The following ADGRA2 variants were observed in gnomAD, a reference collection of about 807,000 sequenced individuals.
The protein encoded by ADGRA2 is G-protein coupled receptor 124.
A neutral mutation model predicts 98.7 loss-of-function variants in ADGRA2; 61 were observed. The ratio of observed to expected loss-of-function variants is 0.62; its 90% CI spans 0.50 to 0.76. ADGRA2 has a LOEUF of 0.76. ADGRA2 is among the 30% of genes least tolerant of loss of function. ADGRA2 has a pLI of 0.00. For missense variants in ADGRA2, 1,712 were observed against 1,860.0 expected (o/e 0.92, Z 1.46); for synonymous variants, 858 against 831.5 (o/e 1.03, Z -0.55).
intron 17 of ADGRA2, among the ~76,000 whole-genome samples, 173 bp downstream of exon 17, chr8:37,840,439 C>T (rs937359255): frequency 6.6e-6 from 1 of 152,124 alleles, no homozygotes; most frequent in African/African-American, 2.4e-5. Flanking sequence ...CAGTGGGGGA[C>T]ATCTTGCGGG....
intron 1 of ADGRA2, among the ~76,000 whole-genome samples, chr8:37,803,644 G>C (rs916271706): frequency 4.6e-5 from 7 of 152,130 alleles, no homozygotes; most frequent in African/African-American, 1.4e-4. Context: ...TGGGTTATGG[G>C]GGGAGGGGGC....
At chr8:37,838,079 G>A (rs1666214988) in intron 14 of ADGRA2, 140 bp downstream of exon 14, 1 of 729,456 alleles carries the variant, frequency 1.4e-6, no homozygotes, top group Non-Finnish European at 2.1e-6. Context: ...CATGAGTGGT[G>A]GGATGTGGGG....
chr8:37,842,172 C>T lies in ADGRA2; in HGVS notation c.3834C>T (p.Asp1278=). 3 of 1,532,130 alleles carry T rather than the reference C, an allele frequency of 2.0e-6. No individual in the cohort carries two copies. The highest frequency in any genetic ancestry group is 2.6e-6 in the Non-Finnish European group (3 of 1,141,844). 94.9% of individuals were successfully genotyped at this position (1,532,130 alleles called of 1,614,324 possible). A position where few individuals can be genotyped will look rare whatever the true frequency, so the allele number is the denominator to read the frequency against. ...GCCAGCGCCGCAGCGCCAGCCGCGACAGTCTCAAGGGCGGCGGCGCGCTGG... is the reference window on the plus strand; with the variant it reads ...GCCAGCGCCGCAGCGCCAGCCGCGATAGTCTCAAGGGCGGCGGCGCGCTGG... ...RAGQRRSASR[D]SLKGGGALEK... Residue 1278 remains aspartate, a synonymous_variant, in exon 19 of 19, where the codon GAC becomes GAT. Coordinates refer to ENST00000412232, the MANE Select transcript of ADGRA2 (RefSeq NM_032777.10).
chr8:37,828,679 G>A (rs1239210482), intron 2 of ADGRA2, among the ~76,000 whole-genome samples: 1 of 150,172 alleles, frequency 6.7e-6, no homozygotes, highest in Non-Finnish European at 1.5e-5. Flanking sequence ...TAGAGACGGG[G>A]TTTCACCATG....
At chr8:37,831,352 C>A in intron 7 of ADGRA2, 71 bp from the exon 8 acceptor site, 2 of 1,429,116 alleles carry the variant, frequency 1.4e-6, no homozygotes, top group Non-Finnish European at 1.9e-6. Context: ...TGTTGTAGGA[C>A]GGTGCTGAGG....
At position 37,830,074 on chromosome 8, in the gene ADGRA2, G is replaced by A. The variant is rs1306260365; in HGVS notation, c.718+60G>A. On this transcript the variant is annotated intron_variant, in intron 6 of 18. Coordinates refer to ENST00000412232, the MANE Select transcript of ADGRA2 (RefSeq NM_032777.10). The surrounding 1 kb of genome is among the most constrained non-coding windows in gnomAD (Gnocchi z 4.8). ...GACCCTGCCTCTCCACCAACCCAGG[G>A]CCCAGACACGAGCCTCCCCTCAGAC... 3 of 1,177,990 alleles carry A rather than the reference G, an allele frequency of 2.5e-6. No individual in the cohort carries two copies. The highest frequency in any genetic ancestry group is 5.3e-5 in the East Asian group (2 of 38,024). 73.0% of individuals were successfully genotyped at this position (1,177,990 alleles called of 1,614,324 possible).
At chr8:37,825,515 C>T (rs1805252759) in intron 2 of ADGRA2, among the ~76,000 whole-genome samples, 1 of 151,796 alleles carries the variant, frequency 6.6e-6, no homozygotes, top group African/African-American at 2.4e-5. Flanking sequence ...TCCCAAAGTG[C>T]AGGGATTACA....
intron 1 of ADGRA2, among the ~76,000 whole-genome samples, chr8:37,799,054 G>A (rs118014737): frequency 0.013 from 1,922 of 152,316 alleles, 33 homozygotes; most frequent in Middle Eastern, 0.037. Context: ...ACAGTCGGTA[G>A]CGTCTGCGTG....
rs754562995 is a variant in ADGRA2, at chr8:37,841,053, C to A, written c.2748-33C>A. On this transcript the variant is annotated intron_variant, in intron 18 of 18. Coordinates refer to ENST00000412232, the MANE Select transcript of ADGRA2 (RefSeq NM_032777.10). This position sits in a 1 kb window ranked among gnomAD's most constrained non-coding sequence, Gnocchi z 5.0. ...CCCAGCCCCACCCCAGCCATGCCCC[C>A]TGTCCTCATCACTGCTTCTGTGTCT... 6.4e-7 allele frequency: 1 copy of A among 1,567,990 alleles called. No homozygotes were observed. The highest frequency in any genetic ancestry group is 1.2e-5 in the South Asian group (1 of 83,930).
At position 37,844,795 on chromosome 8, in the gene ADGRA2, C is replaced by A; in HGVS notation, c.*2440C>A. 1.2e-6 allele frequency: 2 copies of A among 1,614,158 alleles called. No homozygotes were observed. On this transcript the variant is annotated 3_prime_UTR_variant, in exon 19 of 19. Transcript: ENST00000412232. ...GGTGGCTCCTTCTCTCGGGTCTCCA[C>A]TTCTGCTGTCCCATCCCGAAAGGCA...
chr8:37,835,626 C>T lies in ADGRA2; in HGVS notation c.1906C>T (p.Pro636Ser), dbSNP rs750123578. ...FSSLPAALAPPVPPDCTLQLL... is the reference protein window; with the variant it reads ...FSSLPAALAPSVPPDCTLQLL... ...ATCCCTTCCGGCTGCCCTGGCTCCCCCGGTGCCCCCAGACTGCACCCTGCA... is the reference window on the plus strand; with the variant it reads ...ATCCCTTCCGGCTGCCCTGGCTCCCTCGGTGCCCCCAGACTGCACCCTGCA... The change falls in exon 13 of 19, where the codon CCG (proline) becomes TCG (serine). Residue 636 changes from proline to serine, a missense_variant. Coordinates refer to ENST00000412232, the MANE Select transcript of ADGRA2 (RefSeq NM_032777.10). 2 of 1,613,552 alleles carry T rather than the reference C, an allele frequency of 1.2e-6. No homozygotes were observed. The highest frequency in any genetic ancestry group is 3.3e-5 in the Admixed American group (2 of 60,020).
intron 2 of ADGRA2, among the ~76,000 whole-genome samples, chr8:37,828,287 C>T (rs142889941): frequency 1.5e-3 from 230 of 152,270 alleles, no homozygotes; most frequent in Non-Finnish European, 2.1e-3. Flanking sequence ...GCAACCCCAG[C>T]GACCTGCAGG....
At chr8:37,811,329 C>T (rs1388325194) in intron 1 of ADGRA2, among the ~76,000 whole-genome samples, 3 of 150,982 alleles carry the variant, frequency 2.0e-5, no homozygotes, top group African/African-American at 7.3e-5. Flanking sequence ...GCCACCACGC[C>T]TGGCTAATTT....
At chr8:37,812,150 A>ATGGTGTTGT (rs1554523322) in intron 1 of ADGRA2, among the ~76,000 whole-genome samples, 2 of 134,536 alleles carry the variant, frequency 1.5e-5, no homozygotes, top group Non-Finnish European at 3.2e-5. Context: ...TGCACTTGCA[A>ATGGTGTTGT]TGGTGTTGTT....
At position 37,833,897 on chromosome 8, in the gene ADGRA2, CCT is replaced by C. The variant is rs1805531923; in HGVS notation, c.1447-62_1447-61del. On this transcript the variant is annotated intron_variant, in intron 10 of 18. Coordinates refer to ENST00000412232, the MANE Select transcript of ADGRA2 (RefSeq NM_032777.10). The stretch of plus-strand genomic sequence containing the variant: ...CGCCCCCATCCCTCATTTGCTCAAG[CCT>C]CTCTCTCACTCCAGCTCCTGGGTCC... The C allele has an allele frequency of 6.8e-6, 11 of 1,606,478 alleles. No individual in the cohort carries two copies. The South Asian group carries it at 9.9e-5, about 14-fold the overall frequency.
intron 1 of ADGRA2, among the ~76,000 whole-genome samples, chr8:37,803,506 C>T (rs1364579315): frequency 6.6e-6 from 1 of 152,196 alleles, no homozygotes; most frequent in Non-Finnish European, 1.5e-5. Context: ...TTTCATTCCC[C>T]CAGCCCAGCC....
In ADGRA2 at chr8:37,835,233, G is replaced by A; in HGVS notation, c.1668G>A (p.Leu556=). The part of the protein sequence containing the change: ...YLIKPHSYVG[L]TCTAFQRREG... ...TCAAGCCGCACAGCTACGTGGGCCT[G>A]ACCTGCACAGCCTTCCAGAGGAGGG... is the stretch of plus-strand genomic sequence containing the variant. Residue 556 remains leucine, a synonymous_variant, in exon 12 of 19, where the codon CTG becomes CTA. Transcript: ENST00000412232. The A allele has an allele frequency of 1.2e-6, 2 of 1,614,008 alleles. No individual in the cohort carries two copies. Among genetic ancestry groups the A allele is most frequent in the Non-Finnish European group, 1.7e-6 (2 of 1,179,978 alleles).
Position 37,831,436 on chromosome 8 carries a change from T to C in ADGRA2, c.946T>C (p.Ser316Pro). The change falls in exon 8 of 19, where the codon TCT (serine) becomes CCT (proline). Residue 316 changes from serine to proline, a missense_variant. Coordinates refer to ENST00000412232, the MANE Select transcript of ADGRA2 (RefSeq NM_032777.10). Reference sequence around the variant, plus strand: ...TGCCACCCGCAGTGAGCTGACGCTGTCTCACATCGGCGTGTGGGCCTCAGG... The same window carrying C: ...TGCCACCCGCAGTGAGCTGACGCTGCCTCACATCGGCGTGTGGGCCTCAGG... ...CTFITSELTLSHIGVWASGEW... is the reference protein window; with the variant it reads ...CTFITSELTLPHIGVWASGEW... 1 of 1,611,688 alleles carries C rather than the reference T, an allele frequency of 6.2e-7. No homozygotes were observed.
chr8:37,840,253 A>C lies in ADGRA2; in HGVS notation c.2644A>C (p.Ser882Arg). 6.2e-7 allele frequency: 1 copy of C among 1,612,582 alleles called. No homozygotes were observed. The highest frequency in any genetic ancestry group is 8.5e-7 in the Non-Finnish European group (1 of 1,179,950). Residue 882 changes from serine (S) to arginine (R), a missense_variant, in exon 17 of 19, where the codon AGT becomes CGT. Physicochemically the swap from Ser to Arg is moderately radical, Grantham distance 110 (BLOSUM62 -1). Coordinates refer to ENST00000412232, the MANE Select transcript of ADGRA2 (RefSeq NM_032777.10). ...QEGDPALPTPSPMLRFYLIAG... is the reference protein window; with the variant it reads ...QEGDPALPTPRPMLRFYLIAG... ...AGGGGACCCCGCTCTGCCTACTCCC[A>C]GTCCTATGCTCCGGTACATACTTTC...
Sources: gnomAD v4.1 joint callset for allele counts (sites outside exome capture counted in the v4.1 genomes callset) on GRCh38, gnomAD v4.1.1 for gene constraint, Gnocchi (gnomAD v3.1) non-coding constraint, MANE v1.5 for transcripts, NCBI Gene and HGNC (gene_info 2026-07-23, HGNC 2026-07-21) for gene names.